GK5: variants seen among roughly 807,000 people sequenced by gnomAD.
GK5 encodes ATP:glycerol 3-phosphotransferase 5.
A neutral mutation model predicts 77.3 loss-of-function variants in GK5; 39 were observed. The ratio of observed to expected loss-of-function variants is 0.50; its 90% CI spans 0.39 to 0.66. GK5 has a LOEUF of 0.66. GK5 is among the 30% of genes least tolerant of loss of function. The pLI, the probability that GK5 is intolerant of heterozygous loss-of-function variation, is 0.00. For synonymous variants in GK5, 211 were observed against 208.0 expected (o/e 1.01, Z -0.13); for missense variants, 487 against 633.8 (o/e 0.77, Z 2.49).
Position 142,186,282 on chromosome 3 carries a change from G to T in GK5, c.682-15C>A. 2 of 1,543,316 alleles carry T rather than the reference G, an allele frequency of 1.3e-6. No individual in the cohort carries two copies. The highest frequency in any genetic ancestry group is 1.1e-5 in the South Asian group (1 of 89,092). On this transcript the variant is annotated splice_polypyrimidine_tract_variant and intron_variant, in intron 7 of 15. Coordinates refer to ENST00000392993, the MANE Select transcript of GK5 (RefSeq NM_001039547.3). ...CTCCAACACATCTGAGCATAAAAAC[G>T]TATCATCAGAATATACATATTTACA...
intron 1 of GK5, among the ~76,000 whole-genome samples, chr3:142,216,974 C>A (rs2064283415): frequency 6.6e-6 from 1 of 152,136 alleles, no homozygotes; most frequent in Non-Finnish European, 1.5e-5. Flanking sequence ...AACAAAAATC[C>A]TCATAGGATT....
At chr3:142,211,603 G>C (rs2064188989) in intron 3 of GK5, among the ~76,000 whole-genome samples, 1 of 152,214 alleles carries the variant, frequency 6.6e-6, no homozygotes, top group South Asian at 2.1e-4. Flanking sequence ...AACAGTCTAG[G>C]CAACATGGTG....
rs1275198270 is a variant in GK5, at chr3:142,164,992, T to C, written c.*630A>G. The C allele has an allele frequency of 6.6e-6, 1 of 152,610 alleles. No individual in the cohort carries two copies. Among genetic ancestry groups the C allele is most frequent in the East Asian group, 1.9e-4 (1 of 5,194 alleles). 9.5% of individuals were successfully genotyped at this position (152,610 alleles called of 1,614,324 possible). A position where few individuals can be genotyped will look rare whatever the true frequency, so the allele number is the denominator to read the frequency against. On this transcript the variant is annotated 3_prime_UTR_variant, in exon 16 of 16. Transcript: ENST00000392993. Reference sequence around the variant, plus strand: ...CATAGAAAGAATGCTCAGATTTTGGTTGAACAAGGAAAAATTAAGGCAGTG... The same window carrying C: ...CATAGAAAGAATGCTCAGATTTTGGCTGAACAAGGAAAAATTAAGGCAGTG...
chr3:142,225,148 AGCCGGTCTGGGCGC>A (rs889081521), intron 1 of GK5, among the ~76,000 whole-genome samples, 147 bp downstream of exon 1: 3 of 152,094 alleles, frequency 2.0e-5, no homozygotes, highest in African/African-American at 7.2e-5. Context: ...GCGAAGACTC[AGCCGGTCTGGGCGC>A]GCCGTTCTGG....
chr3:142,186,231 T>C lies in GK5; in HGVS notation c.718A>G (p.Ile240Val). Residue 240 changes from isoleucine to valine, a missense_variant, in exon 8 of 16, where the codon ATA (isoleucine) becomes GTA (valine). By Grantham distance (29) the Ile-to-Val change is conservative (BLOSUM62 3). This residue lies in a region of GK5 where 323 missense variants were observed against 437.4 expected (regional missense o/e 0.74). Transcript: ENST00000392993. ...WSGMITSLIS[I>V]PLSLLPPVRD... ...ACAGGAGGTAGGAGAGAAAGTGGTA[T>C]CGAAATTAGAGAGGTAATCATCCCA... 1.9e-6 allele frequency: 3 copies of C among 1,606,780 alleles called. No individual in the cohort carries two copies. The highest frequency in any genetic ancestry group is 1.7e-6 in the Non-Finnish European group (2 of 1,173,452).
intron 11 of GK5, among the ~76,000 whole-genome samples, chr3:142,177,848 GTTTT>G (rs1262581032): frequency 1.4e-5 from 2 of 145,858 alleles, no homozygotes; most frequent in Non-Finnish European, 3.0e-5. Context: ...CAGGACTTAC[GTTTT>G]TTTTCTTTTT....
At chr3:142,205,525 C>T (rs2064092718) in intron 3 of GK5, among the ~76,000 whole-genome samples, 1 of 152,206 alleles carries the variant, frequency 6.6e-6, no homozygotes. Flanking sequence ...AAGTCTAATG[C>T]TCCAATATTA....
chr3:142,182,478 G>A (rs1482397696), intron 10 of GK5, among the ~76,000 whole-genome samples: 1 of 152,000 alleles, frequency 6.6e-6, no homozygotes, highest in African/African-American at 2.4e-5. Context: ...CCAAGTAGCT[G>A]GGATTACAGG....
intron 15 of GK5, among the ~76,000 whole-genome samples, chr3:142,167,364 A>G (rs1405496470): frequency 6.6e-6 from 1 of 151,840 alleles, no homozygotes; most frequent in Non-Finnish European, 1.5e-5. Flanking sequence ...ACAGAGTGAG[A>G]CTCCATCTCA....
At chr3:142,212,926 TG>T (rs1491305950) in intron 3 of GK5, among the ~76,000 whole-genome samples, 1 of 145,474 alleles carries the variant, frequency 6.9e-6, no homozygotes, top group Admixed American at 7.2e-5. Context: ...CTCCGCCCCC[TG>T]GGGTTCACGC....
intron 12 of GK5, among the ~76,000 whole-genome samples, chr3:142,176,047 T>TA (rs2063605399): frequency 6.6e-6 from 1 of 151,976 alleles, no homozygotes; most frequent in South Asian, 2.1e-4. Flanking sequence ...CTCAATTAGA[T>TA]AAAAAATTTT....
intron 5 of GK5, among the ~76,000 whole-genome samples, chr3:142,198,021 C>CAA (rs1228082453): frequency 1.2e-5 from 1 of 85,498 alleles, no homozygotes. Context: ...GACTCTGTCT[C>CAA]AAAAAAAAAA....
At chr3:142,179,851 G>A (rs997415847) in intron 11 of GK5, among the ~76,000 whole-genome samples, 5 of 152,164 alleles carry the variant, frequency 3.3e-5, no homozygotes, top group Admixed American at 6.5e-5. Flanking sequence ...TGGAAAAGCC[G>A]TCTGGGGACT....
chr3:142,201,438 T>A (rs2064019879), intron 4 of GK5, among the ~76,000 whole-genome samples: 2 of 152,166 alleles, frequency 1.3e-5, no homozygotes, highest in South Asian at 4.1e-4. Flanking sequence ...TTAGAACATT[T>A]TTTAAATGGA....
At chr3:142,204,455 T>A in intron 4 of GK5, 1 of 541,650 alleles carries the variant, frequency 1.8e-6, no homozygotes, top group Admixed American at 3.0e-5. Flanking sequence ...AAACACAAAT[T>A]CTCACTAACA....
chr3:142,196,195 T>C (rs2063930562), intron 5 of GK5, among the ~76,000 whole-genome samples: 1 of 152,120 alleles, frequency 6.6e-6, no homozygotes. Flanking sequence ...TAATAATTCA[T>C]AATTTTAGTT....
intron 15 of GK5, 60 bp from the exon 16 acceptor site, chr3:142,165,830 T>C: frequency 2.6e-6 from 3 of 1,174,500 alleles, no homozygotes; most frequent in Non-Finnish European, 3.6e-6. Context: ...ATAAAGTTTA[T>C]CCAAAAACCT....
At chr3:142,215,574 T>C (rs1221165268) in intron 2 of GK5, 25 bp downstream of exon 2, 3 of 1,230,814 alleles carry the variant, frequency 2.4e-6, no homozygotes, top group Non-Finnish European at 3.5e-6. Flanking sequence ...ATAAAGATTA[T>C]TGTTATTTTT....
chr3:142,217,633 C>G (rs1180403649), intron 1 of GK5, among the ~76,000 whole-genome samples: 1 of 152,048 alleles, frequency 6.6e-6, no homozygotes, highest in Non-Finnish European at 1.5e-5. Context: ...AAAAGCTGCC[C>G]AAGTTCAGTG....
Sources: allele counts gnomAD v4.1 joint callset (sites outside exome capture counted in the v4.1 genomes callset), GRCh38; gene constraint gnomAD v4.1.1; regional missense constraint gnomAD v4.1.1; transcripts MANE v1.5; gene names NCBI Gene and HGNC (gene_info 2026-07-23, HGNC 2026-07-21).